Variants in DNAL4 observed in about 807,000 individuals in gnomAD.
The protein encoded by DNAL4 is dynein light chain, outer arm 4.
Under a neutral mutation model 12.6 loss-of-function variants are expected in DNAL4, and 10 were observed. The observed-to-expected ratio is 0.79, with a 90% CI of 0.49 to 1.34. The LOEUF (loss-of-function observed/expected upper bound fraction) is 1.34. Among genes scored for constraint, DNAL4 ranks in the 40% most tolerant of loss-of-function variants. The pLI is 0.00. For synonymous variants in DNAL4, 46 were observed against 53.1 expected (o/e 0.87, Z 0.58); for missense variants, 128 against 138.1 (o/e 0.93, Z 0.37).
chr22:38,790,898 T>G (rs1196634040), intron 1 of DNAL4, among the ~76,000 whole-genome samples: 1 of 152,232 alleles, frequency 6.6e-6, no homozygotes, highest in Non-Finnish European at 1.5e-5. Context: ...CCGGGTGCGG[T>G]GGCTCACGCT....
Position 38,782,635 on chromosome 22 carries a change from A to G in DNAL4, c.69+28T>C, listed in dbSNP as rs1353311234. The G allele has an allele frequency of 6.2e-7, 1 of 1,611,008 alleles. No individual in the cohort carries two copies. Among genetic ancestry groups the G allele is most frequent in the Non-Finnish European group, 8.5e-7 (1 of 1,178,788 alleles). On this transcript the variant is annotated intron_variant, in intron 2 of 3. Coordinates refer to ENST00000216068, the MANE Select transcript of DNAL4 (RefSeq NM_005740.3). This position sits in a 1 kb window ranked among gnomAD's most constrained non-coding sequence, Gnocchi z 5.1. ...TCCAGGCTGTGTGGGCCCTGCCGGC[A>G]GTCCTGCCTCCCTCCCCTGGGGCTT...
intron 1 of DNAL4, among the ~76,000 whole-genome samples, chr22:38,792,639 C>T (rs2093052673): frequency 6.6e-6 from 1 of 152,228 alleles, no homozygotes; most frequent in Non-Finnish European, 1.5e-5. Flanking sequence ...GACACAGATA[C>T]ACTAGCCTAA....
At chr22:38,784,714 C>T (rs568941815) in intron 1 of DNAL4, among the ~76,000 whole-genome samples, 7 of 152,068 alleles carry the variant, frequency 4.6e-5, no homozygotes, top group South Asian at 2.1e-4. Flanking sequence ...GGGGTTTCAC[C>T]GTGTTAGCCA....
Position 38,780,997 on chromosome 22 carries a change from G to C in DNAL4, c.82C>G (p.Pro28Ala). ...ATGGTCTCCACGCGCATCTCCTCTG[G>C]CATGTCCGAGTGCTAGAGACAGGGC... ...TFPLVRHSDM[P>A]EEMRVETMEL... The change falls in exon 3 of 4, where the codon CCA becomes GCA. Residue 28 changes from proline (P) to alanine (A), a missense_variant. By Grantham distance (27) the Pro-to-Ala change is conservative. Transcript: ENST00000216068. 1 of 1,614,110 alleles carries C rather than the reference G, an allele frequency of 6.2e-7. No individual in the cohort carries two copies. Among genetic ancestry groups the C allele is most frequent in the African/African-American group, 1.3e-5 (1 of 75,058 alleles).
At position 38,782,473 on chromosome 22, in the gene DNAL4, C is replaced by T. The variant is rs888776775; in HGVS notation, c.69+190G>A. ...CAGTGCCCGGCATAGAGTAGGTGGC[C>T]CAATACTTGGTGAATGAATGAATGA... On this transcript the variant is annotated intron_variant, in intron 2 of 3. Coordinates refer to ENST00000216068, the MANE Select transcript of DNAL4 (RefSeq NM_005740.3). The surrounding 1 kb of genome is among the most constrained non-coding windows in gnomAD (Gnocchi z 5.1). Among the ~76,000 whole-genome samples the T allele has an allele frequency of 6.6e-6, 1 of 152,202 alleles. No homozygotes were observed. Among genetic ancestry groups the T allele is most frequent in the African/African-American group, 2.4e-5 (1 of 41,428 alleles).
At chr22:38,791,870 GTT>G (rs80109051) in intron 1 of DNAL4, among the ~76,000 whole-genome samples, 3 of 140,024 alleles carry the variant, frequency 2.1e-5, no homozygotes, top group Admixed American at 7.2e-5. Flanking sequence ...TTTGTGTGTT[GTT>G]TTTTTTTTTT....
chr22:38,781,553 A>T (rs774164730), intron 2 of DNAL4, among the ~76,000 whole-genome samples: 7 of 151,802 alleles, frequency 4.6e-5, no homozygotes, highest in Non-Finnish European at 2.9e-5. Context: ...GAGGGCTCCC[A>T]CACTTCTACC....
chr22:38,790,602 C>T (rs1394373649), intron 1 of DNAL4, among the ~76,000 whole-genome samples: 15 of 152,226 alleles, frequency 9.9e-5, no homozygotes, highest in Non-Finnish European at 2.1e-4. Flanking sequence ...CATGGGCTAT[C>T]GGGGCAGGAG....
chr22:38,790,550 C>T lies in DNAL4; in HGVS notation c.-140+3518G>A, dbSNP rs539655327. Among the ~76,000 whole-genome samples, 60 of 152,208 alleles carry T rather than the reference C, an allele frequency of 3.9e-4. No homozygotes were observed. In the South Asian group the frequency reaches 4.6e-3, roughly 12 times the overall value. On this transcript the variant is annotated intron_variant, in intron 1 of 3. Transcript: ENST00000216068. ...CAAAGTTTAAGTTGCTGGTAAGATA[C>T]GCAGATGGAGGTATCTAGTCAGGAG...
intron 1 of DNAL4, among the ~76,000 whole-genome samples, chr22:38,789,282 T>G (rs769059281): frequency 6.6e-6 from 1 of 152,216 alleles, no homozygotes; most frequent in Non-Finnish European, 1.5e-5. Context: ...TCTTTTCTTT[T>G]CGAGACAGGG....
At chr22:38,789,191 A>G (rs1007736531) in intron 1 of DNAL4, among the ~76,000 whole-genome samples, 5 of 152,224 alleles carry the variant, frequency 3.3e-5, no homozygotes, top group Admixed American at 6.5e-5. Flanking sequence ...AGCCTGAAAA[A>G]AAGAGAGTTT....
chr22:38,780,776 C>A, intron 3 of DNAL4, 150 bp downstream of exon 3: 1 of 763,966 alleles, frequency 1.3e-6, no homozygotes, highest in Non-Finnish European at 2.1e-6. Context: ...CTCTCACTCA[C>A]TGACTTTCCC....
chr22:38,779,533 C>A lies in DNAL4; in HGVS notation c.234G>T (p.Gly78=). ...TCTTCACCTCGTGGGTGATCTCAAA[C>A]CCAAAGCCCTCGCCGATCACCACGT... is the stretch of plus-strand genomic sequence containing the variant. ...SWHVVIGEGF[G]FEITHEVKNL... Residue 78 remains glycine, a synonymous_variant, in exon 4 of 4, where the codon GGG becomes GGT. Coordinates refer to ENST00000216068, the MANE Select transcript of DNAL4 (RefSeq NM_005740.3). The surrounding 1 kb of genome is among the most constrained non-coding windows in gnomAD (Gnocchi z 4.3). 1 of 1,587,478 alleles carries A rather than the reference C, an allele frequency of 6.3e-7. No homozygotes were observed.
At chr22:38,793,209 C>T (rs965483181) in intron 1 of DNAL4, among the ~76,000 whole-genome samples, 3 of 152,132 alleles carry the variant, frequency 2.0e-5, no homozygotes, top group African/African-American at 7.2e-5. Context: ...CATGGAAGCC[C>T]AGGAGGAAGA....
chr22:38,791,675 A>C (rs2093050805), intron 1 of DNAL4, among the ~76,000 whole-genome samples: 1 of 150,670 alleles, frequency 6.6e-6, no homozygotes, highest in Non-Finnish European at 1.5e-5. Flanking sequence ...TACAGGTGTG[A>C]GCCACTGCGC....
At position 38,782,668 on chromosome 22, in the gene DNAL4, C is replaced by T. The variant is rs1172800547; in HGVS notation, c.64G>A (p.Val22Ile). The T allele has an allele frequency of 1.2e-6, 2 of 1,613,310 alleles. No individual in the cohort carries two copies. Among genetic ancestry groups the T allele is most frequent in the African/African-American group, 1.3e-5 (1 of 75,014 alleles). The change falls in exon 2 of 4, where the codon GTC becomes ATC. Residue 22 changes from valine (V) to isoleucine (I), a missense_variant. Transcript: ENST00000216068. This position sits in a 1 kb window ranked among gnomAD's most constrained non-coding sequence, Gnocchi z 5.1. ...CTCCCTCCCCTGGGGCTTACCCTGACCAGAGGGAAGGTCTGCAGTCGCTTA... is the reference window on the plus strand; with the variant it reads ...CTCCCTCCCCTGGGGCTTACCCTGATCAGAGGGAAGGTCTGCAGTCGCTTA... ...DYKRLQTFPL[V>I]RHSDMPEEMR...
intron 1 of DNAL4, among the ~76,000 whole-genome samples, chr22:38,783,933 A>G (rs2093038307): frequency 6.6e-6 from 1 of 151,360 alleles, no homozygotes; most frequent in African/African-American, 2.4e-5. Context: ...TTTCTCTTTC[A>G]TCTTCAACCC....
chr22:38,782,445 G>C lies in DNAL4; in HGVS notation c.69+218C>G, dbSNP rs899187931. Among the ~76,000 whole-genome samples, 1 of 152,222 alleles carries C rather than the reference G, an allele frequency of 6.6e-6. No homozygotes were observed. Among genetic ancestry groups the C allele is most frequent in the African/African-American group, 2.4e-5 (1 of 41,470 alleles). Reference sequence around the variant, plus strand: ...TCGTTTACCATCCCCACAGTGCCTAGAACAGTGCCCGGCATAGAGTAGGTG... The same window carrying C: ...TCGTTTACCATCCCCACAGTGCCTACAACAGTGCCCGGCATAGAGTAGGTG... On this transcript the variant is annotated intron_variant, in intron 2 of 3. Transcript: ENST00000216068. This position sits in a 1 kb window ranked among gnomAD's most constrained non-coding sequence, Gnocchi z 5.1.
chr22:38,792,703 T>C (rs2093052785), intron 1 of DNAL4, among the ~76,000 whole-genome samples: 1 of 152,238 alleles, frequency 6.6e-6, no homozygotes, highest in Admixed American at 6.5e-5. Context: ...CCACATCTTG[T>C]CCCGCTGGAC....
Sources: allele counts gnomAD v4.1 joint callset (sites outside exome capture counted in the v4.1 genomes callset), GRCh38; gene constraint gnomAD v4.1.1; non-coding constraint Gnocchi (gnomAD v3.1); transcripts MANE v1.5; gene names NCBI Gene and HGNC (gene_info 2026-07-23, HGNC 2026-07-21).